GRM4: variants seen among roughly 807,000 people sequenced by gnomAD.
GRM4 encodes glutamate metabotropic receptor 4.
Under a neutral mutation model 81.7 loss-of-function variants are expected in GRM4, and 28 were observed. That is an observed-to-expected ratio of 0.34 (90% CI 0.25 to 0.47). The LOEUF (loss-of-function observed/expected upper bound fraction) is 0.47. Ranked by LOEUF, GRM4 falls within the 20% of genes least tolerant of loss-of-function variation. The pLI is 1.00. For synonymous variants in GRM4, 488 were observed against 528.8 expected, an observed-to-expected ratio of 0.92 and a Z score of 1.06; for missense variants, 948 against 1,290.0, an observed-to-expected ratio of 0.73 and a Z score of 4.06.
At chr6:34,053,436 G>C (rs191415699) in intron 6 of GRM4, among the ~76,000 whole-genome samples, 1 of 151,878 alleles carries the variant, frequency 6.6e-6, no homozygotes, top group Non-Finnish European at 1.5e-5. Context: ...CCCCTCACCC[G>C]CCCCTCACCT....
intron 8 of GRM4, among the ~76,000 whole-genome samples, chr6:34,037,236 T>C (rs1168067858): frequency 6.6e-6 from 1 of 152,244 alleles, no homozygotes; most frequent in African/African-American, 2.4e-5. Context: ...AGCATTTCTT[T>C]ACATCTTGCT....
Position 34,069,169 on chromosome 6 carries a change from C to CAT in GRM4, c.737-7142_737-7141insAT, listed in dbSNP as rs1561788369. 3.3e-5 allele frequency among the ~76,000 whole-genome samples: 2 copies of CAT among 61,374 alleles called. No individual in the cohort carries two copies. Among genetic ancestry groups the CAT allele is most frequent in the Non-Finnish European group, 7.9e-5 (2 of 25,322 alleles). 40.3% of individuals were successfully genotyped at this position (61,374 alleles called of 152,430 possible). A position where few individuals can be genotyped will look rare whatever the true frequency, so the allele number is the denominator to read the frequency against. ...ACCCCTGGACCCTCATGGGCGTATA[C>CAT]ACACACACACACACACACACACACA... On this transcript the variant is annotated intron_variant, in intron 3 of 10. Coordinates refer to ENST00000538487, the MANE Select transcript of GRM4 (RefSeq NM_000841.4). This position sits in a 1 kb window ranked among gnomAD's most constrained non-coding sequence, Gnocchi z 6.4.
chr6:34,116,328 C>T (rs1769595818), intron 2 of GRM4, among the ~76,000 whole-genome samples: 1 of 152,190 alleles, frequency 6.6e-6, no homozygotes. Context: ...TGGCGACTCA[C>T]ACAAGATAAC....
Position 34,133,527 on chromosome 6 carries a change from A to G in GRM4, c.-31T>C, listed in dbSNP as rs761271114. On this transcript the variant is annotated 5_prime_UTR_variant, in exon 2 of 11. Transcript: ENST00000538487. This position sits in a 1 kb window ranked among gnomAD's most constrained non-coding sequence, Gnocchi z 6.5. ...AAATCCCTAGAGACCCATGAACGGC[A>G]GGCCCACTCCTAGCCCTGGCAGGCC... 7.2e-6 allele frequency: 11 copies of G among 1,521,988 alleles called. No individual in the cohort carries two copies. The African/African-American group carries it at 1.5e-4, about 21-fold the overall frequency. 94.3% of individuals were successfully genotyped at this position (1,521,988 alleles called of 1,614,324 possible).
intron 2 of GRM4, among the ~76,000 whole-genome samples, chr6:34,096,834 A>G (rs1768544739): frequency 6.6e-6 from 1 of 152,234 alleles, no homozygotes; most frequent in Admixed American, 6.5e-5. Flanking sequence ...TAGAGTGACA[A>G]GGAGATCCAT....
chr6:34,072,016 A>G (rs527317627), intron 3 of GRM4, among the ~76,000 whole-genome samples: 1 of 151,704 alleles, frequency 6.6e-6, no homozygotes, highest in Admixed American at 6.5e-5. Flanking sequence ...CCACACAGAG[A>G]CACACACACC....
chr6:34,044,744 A>G (rs1765260325), intron 6 of GRM4, among the ~76,000 whole-genome samples: 2 of 134,140 alleles, frequency 1.5e-5, no homozygotes, highest in Admixed American at 7.1e-5. Flanking sequence ...ACATACATAC[A>G]CATATATACA....
chr6:34,155,156 C>G, exon 1 of GRM4: 4 of 1,535,448 alleles, frequency 2.6e-6, no homozygotes, highest in Non-Finnish European at 3.5e-6. Flanking sequence ...GCGGCCGCCC[C>G]CTCGGATTCG....
rs1767237321 is a variant in GRM4 at position 34,074,950 on chromosome 6, T to G, written c.737-12922A>C. Among the ~76,000 whole-genome samples the G allele has an allele frequency of 2.0e-5, 3 of 151,838 alleles. No homozygotes were observed. On this transcript the variant is annotated intron_variant, in intron 3 of 10. Coordinates refer to ENST00000538487, the MANE Select transcript of GRM4 (RefSeq NM_000841.4). The surrounding 1 kb of genome is among the most constrained non-coding windows in gnomAD (Gnocchi z 4.9). ...AGTGGCTGTACCCAGCATTCACTGA[T>G]GAGGGAATCCCACCCATTTCTTGGG...
rs1455288792 is a variant in GRM4 at position 34,035,315 on chromosome 6, G to C, written c.2442+353C>G. Among the ~76,000 whole-genome samples the C allele has an allele frequency of 7.0e-6, 1 of 143,744 alleles. No homozygotes were observed. Among genetic ancestry groups the C allele is most frequent in the East Asian group, 2.1e-4 (1 of 4,658 alleles). 94.3% of individuals were successfully genotyped at this position (143,744 alleles called of 152,430 possible). On this transcript the variant is annotated intron_variant, in intron 9 of 10. Transcript: ENST00000538487. The surrounding 1 kb of genome is among the most constrained non-coding windows in gnomAD (Gnocchi z 6.6). ...AGAGACAGGGAGAAAGAGGAGGAGG[G>C]GGAAGGAGAACAGGGGGAGGATGGA...
chr6:34,135,658 T>A (rs1770427823), intron 1 of GRM4, among the ~76,000 whole-genome samples: 1 of 152,258 alleles, frequency 6.6e-6, no homozygotes, highest in Non-Finnish European at 1.5e-5. Flanking sequence ...TGCACCTGTA[T>A]GGAGCTGTCA....
chr6:34,085,897 G>A (rs2127482049), intron 3 of GRM4, among the ~76,000 whole-genome samples: 1 of 152,308 alleles, frequency 6.6e-6, no homozygotes, highest in South Asian at 2.1e-4. Context: ...GATACCTGAA[G>A]ACACCAAGAA....
intron 2 of GRM4, among the ~76,000 whole-genome samples, chr6:34,122,987 C>T (rs112925212): frequency 0.072 from 11,021 of 152,170 alleles, 731 homozygotes; most frequent in African/African-American, 0.17. Context: ...AGGAGGCAGG[C>T]CGTGGAAGGC....
At chr6:34,038,845 G>A (rs9394186) in intron 8 of GRM4, among the ~76,000 whole-genome samples, 55,974 of 151,718 alleles carry the variant, frequency 0.37, 13,754 homozygotes, top group African/African-American at 0.71. Context: ...CCACCCACAC[G>A]TGCCCAGTCC....
chr6:34,079,292 C>G (rs1318377916), intron 3 of GRM4, among the ~76,000 whole-genome samples: 1 of 152,126 alleles, frequency 6.6e-6, no homozygotes, highest in Non-Finnish European at 1.5e-5. Flanking sequence ...CTCCCACCAC[C>G]CTGAGATAGG....
rs1367983733 is a variant in GRM4, at chr6:34,092,422, T to TA, written c.520-324dup. Among the ~76,000 whole-genome samples, 2 of 152,016 alleles carry TA rather than the reference T, an allele frequency of 1.3e-5. No individual in the cohort carries two copies. The highest frequency in any genetic ancestry group is 2.9e-5 in the Non-Finnish European group (2 of 67,994). The stretch of plus-strand genomic sequence containing the variant: ...TCCCAGCCCAGGGAAAATCCCCACA[T>TA]ACGTGAGATGATTCAGCCTGGGGAT... On this transcript the variant is annotated intron_variant, in intron 2 of 10. Transcript: ENST00000538487. The surrounding 1 kb of genome is among the most constrained non-coding windows in gnomAD (Gnocchi z 6.8).
intron 1 of GRM4, among the ~76,000 whole-genome samples, chr6:34,143,102 CG>C (rs1236188756): frequency 6.6e-6 from 1 of 152,136 alleles, no homozygotes; most frequent in Admixed American, 6.5e-5. Context: ...GGCTAAGGTG[CG>C]GGGTGTGGGG....
chr6:34,030,447 T>G lies in GRM4; in HGVS notation c.2443-2081A>C, dbSNP rs6905040. ...GGGACCAGGGATTGAGGCCCTTCTC[T>G]GGGCAGAGGAACCCTTGCAGTGGAC... is the stretch of plus-strand genomic sequence containing the variant. On this transcript the variant is annotated intron_variant, in intron 9 of 10. Transcript: ENST00000538487. Among the ~76,000 whole-genome samples the G allele has an allele frequency of 1.5e-3, 233 of 152,298 alleles. 6 individuals are homozygous for G. The highest frequency in any genetic ancestry group is 5.3e-3 in the African/African-American group (221 of 41,564).
rs188317186 is a variant in GRM4, at chr6:34,115,957, A to G, written c.519+17021T>C. Among the ~76,000 whole-genome samples the G allele has an allele frequency of 1.5e-3, 236 of 152,320 alleles. No individual in the cohort carries two copies. Among genetic ancestry groups the G allele is most frequent in the African/African-American group, 5.2e-3 (218 of 41,552 alleles). ...CGCACCAGAAGAGGGCTTTAATTAC[A>G]TACAAGTGGGTTTTCTGCGGCCTCG... On this transcript the variant is annotated intron_variant, in intron 2 of 10. Coordinates refer to ENST00000538487, the MANE Select transcript of GRM4 (RefSeq NM_000841.4). This position sits in a 1 kb window ranked among gnomAD's most constrained non-coding sequence, Gnocchi z 4.1.
Sources: gnomAD v4.1 joint callset for allele counts (sites outside exome capture counted in the v4.1 genomes callset) on GRCh38, gnomAD v4.1.1 for gene constraint, Gnocchi (gnomAD v3.1) non-coding constraint, MANE v1.5 for transcripts, NCBI Gene and HGNC (gene_info 2026-07-23, HGNC 2026-07-21) for gene names.